Variants in ARHGEF7 observed in about 807,000 individuals in gnomAD.
ARHGEF7 encodes the protein PAK-interacting exchange factor beta.
Under a neutral mutation model 109.8 loss-of-function variants are expected in ARHGEF7, and 33 were observed. The observed-to-expected ratio is 0.30, with a 90% CI of 0.23 to 0.40. The LOEUF is 0.40. ARHGEF7 is among the 10% of genes least tolerant of loss of function. The probability of loss-of-function intolerance (pLI) is 1.00; values close to 1 mark genes in which losing one functional copy is unlikely to be tolerated. For missense variants in ARHGEF7, 938 were observed against 1,098.5 expected, an observed-to-expected ratio of 0.85 and a Z score of 2.07; for synonymous variants, 458 against 424.6, an observed-to-expected ratio of 1.08 and a Z score of -0.97.
At position 111,156,392 on chromosome 13, in the gene ARHGEF7, C is replaced by T. The variant is rs373731518; in HGVS notation, c.252+2401C>T. ...TGTGCTATTTTTAAAGAGTAAATAT[C>T]TCTTCCAGTAAATTTAAGCAAGAGG... is the stretch of plus-strand genomic sequence containing the variant. On this transcript the variant is annotated intron_variant, in intron 2 of 21. Coordinates refer to ENST00000646102, the MANE Select transcript of ARHGEF7 (RefSeq NM_001354046.2). Among the ~76,000 whole-genome samples, 253 of 152,330 alleles carry T rather than the reference C, an allele frequency of 1.7e-3. 1 individual carries two copies. The highest frequency in any genetic ancestry group is 5.9e-3 in the African/African-American group (244 of 41,576).
intron 2 of ARHGEF7, among the ~76,000 whole-genome samples, chr13:111,158,071 G>T (rs143813276): frequency 1.3e-5 from 2 of 152,146 alleles, no homozygotes; most frequent in African/African-American, 4.8e-5. Flanking sequence ...CATTAATAAC[G>T]TGGTTTCAGG....
chr13:111,267,016 C>T, intron 8 of ARHGEF7: 1 of 420,034 alleles, frequency 2.4e-6, no homozygotes. Context: ...GTCTCTTCCT[C>T]ATTCTTTTTG....
intron 3 of ARHGEF7, among the ~76,000 whole-genome samples, chr13:111,206,426 G>A (rs1287773535): frequency 6.6e-6 from 1 of 152,132 alleles, no homozygotes; most frequent in Non-Finnish European, 1.5e-5. Context: ...ATGCCCCGGC[G>A]AGAGGCACTG....
At chr13:111,218,482 TG>T (rs2153490874) in intron 5 of ARHGEF7, among the ~76,000 whole-genome samples, 2 of 151,584 alleles carry the variant, frequency 1.3e-5, no homozygotes, top group South Asian at 4.2e-4. Flanking sequence ...TGGACAGAGG[TG>T]GGGGGTGGGA....
intron 18 of ARHGEF7, among the ~76,000 whole-genome samples, chr13:111,290,866 G>A (rs2093253055): frequency 6.6e-6 from 1 of 152,202 alleles, no homozygotes; most frequent in Non-Finnish European, 1.5e-5. Flanking sequence ...GTGCTGGAAA[G>A]GTGGTATACT....
intron 6 of ARHGEF7, among the ~76,000 whole-genome samples, chr13:111,237,561 C>T (rs963415148): frequency 6.6e-6 from 1 of 152,074 alleles, no homozygotes; most frequent in African/African-American, 2.4e-5. Context: ...GAGAATTAAC[C>T]TGAAATATAT....
intron 15 of ARHGEF7, chr13:111,280,900 C>T (rs371834382): frequency 8.1e-4 from 396 of 489,920 alleles, no homozygotes; most frequent in African/African-American, 6.5e-3. Context: ...TGCCTCCTCA[C>T]GCACAGTTCA....
intron 2 of ARHGEF7, among the ~76,000 whole-genome samples, chr13:111,193,991 C>T (rs977330632): frequency 1.4e-4 from 21 of 152,308 alleles, no homozygotes; most frequent in Non-Finnish European, 2.8e-4. Context: ...CATAAACTTC[C>T]TTTGGCACCT....
chr13:111,240,601 C>A (rs1243911650), intron 6 of ARHGEF7, among the ~76,000 whole-genome samples: 1 of 152,154 alleles, frequency 6.6e-6, no homozygotes, highest in Non-Finnish European at 1.5e-5. Context: ...GTGTGGTGAA[C>A]TACTGTCTTG....
chr13:111,172,998 T>C (rs1219318512), intron 2 of ARHGEF7, among the ~76,000 whole-genome samples: 1 of 152,238 alleles, frequency 6.6e-6, no homozygotes, highest in Non-Finnish European at 1.5e-5. Flanking sequence ...TCAACCTGTG[T>C]ATAGAAATAA....
chr13:111,188,504 G>A (rs749553008), intron 2 of ARHGEF7, among the ~76,000 whole-genome samples: 2 of 152,178 alleles, frequency 1.3e-5, no homozygotes, highest in South Asian at 4.1e-4. Flanking sequence ...CCTCCTACAC[G>A]GTGCTGGATC....
intron 8 of ARHGEF7, among the ~76,000 whole-genome samples, chr13:111,257,096 T>C (rs1595248187): frequency 2.6e-5 from 4 of 152,362 alleles, no homozygotes; most frequent in Admixed American, 2.6e-4. Context: ...AGGCCTTGGC[T>C]TATGAGCCTT....
intron 16 of ARHGEF7, among the ~76,000 whole-genome samples, chr13:111,283,900 C>G (rs1423187106): frequency 6.6e-6 from 1 of 152,106 alleles, no homozygotes; most frequent in African/African-American, 2.4e-5. Flanking sequence ...TGTCTCTGTT[C>G]TCATCCGGCA....
At position 111,259,129 on chromosome 13, in the gene ARHGEF7, T is replaced by G. The variant is rs567095379; in HGVS notation, c.951-8419T>G. On this transcript the variant is annotated intron_variant, in intron 8 of 21. Coordinates refer to ENST00000646102, the MANE Select transcript of ARHGEF7 (RefSeq NM_001354046.2). ...CGGGCTCTGGCTCGCAGATGGCATC[T>G]CTAGACCTGCCCGGAGCCAAGGAGA... 2.6e-5 allele frequency among the ~76,000 whole-genome samples: 4 copies of G among 152,300 alleles called. No individual in the cohort carries two copies. In the East Asian group the frequency reaches 7.7e-4, roughly 29 times the overall value.
intron 2 of ARHGEF7, among the ~76,000 whole-genome samples, chr13:111,204,900 C>CATCT (rs2081604537): frequency 6.6e-6 from 1 of 152,216 alleles, no homozygotes; most frequent in Admixed American, 6.5e-5. Context: ...TAGGAAAGAA[C>CATCT]ATCTGTAGCA....
rs942655 is a variant in ARHGEF7, at chr13:111,241,362, C to A, written c.760-2510C>A. 2.9e-5 allele frequency: 45 copies of A among 1,535,452 alleles called. No homozygotes were observed. The Admixed American group carries it at 3.9e-4, about 13-fold the overall frequency. Reference sequence around the variant, plus strand: ...GTAAGTGGCACCCCCGGCTGCGCCCCGAGGTCAGGAAGGCCAGCAACCTCC... The same window carrying A: ...GTAAGTGGCACCCCCGGCTGCGCCCAGAGGTCAGGAAGGCCAGCAACCTCC... On this transcript the variant is annotated intron_variant, in intron 6 of 21. Coordinates refer to ENST00000646102, the MANE Select transcript of ARHGEF7 (RefSeq NM_001354046.2).
At position 111,250,841 on chromosome 13, in the gene ARHGEF7, A is replaced by G. The variant is rs185145224; in HGVS notation, c.950+6547A>G. 2.5e-3 allele frequency among the ~76,000 whole-genome samples: 384 copies of G among 152,312 alleles called. 6 individuals are homozygous for G. Among genetic ancestry groups the G allele is most frequent in the Non-Finnish European group, 7.8e-4 (53 of 68,020 alleles). ...TTTATTATGAAGGATGCAACTCAGA[A>G]TGAGATGGATAGAAGAAAGATGTAG... On this transcript the variant is annotated intron_variant, in intron 8 of 21. Transcript: ENST00000646102.
intron 5 of ARHGEF7, among the ~76,000 whole-genome samples, chr13:111,220,397 C>G (rs754940827): frequency 1.3e-5 from 2 of 152,212 alleles, no homozygotes; most frequent in African/African-American, 2.4e-5. Context: ...GAATCCTGGA[C>G]TGACTCTGAA....
rs1035801918 is a variant in ARHGEF7, at chr13:111,294,333, G to A, written c.2311+2039G>A. On this transcript the variant is annotated intron_variant, in intron 19 of 21. Coordinates refer to ENST00000646102, the MANE Select transcript of ARHGEF7 (RefSeq NM_001354046.2). Reference sequence around the variant, plus strand: ...CTGGCTAAGCTGCCTTTGCCTTCTCGTAGGCGTGGGTTGCCTGTGTCATGG... The same window carrying A: ...CTGGCTAAGCTGCCTTTGCCTTCTCATAGGCGTGGGTTGCCTGTGTCATGG... 28 of 985,450 alleles carry A rather than the reference G, an allele frequency of 2.8e-5. No homozygotes were observed. In the African/African-American group the frequency reaches 4.0e-4, roughly 14 times the overall value. The allele number at this position is 985,450 out of a possible 1,614,324, so 61.0% of individuals were successfully genotyped here. A position where few individuals can be genotyped will look rare whatever the true frequency, so the allele number is the denominator to read the frequency against.
Sources: allele counts gnomAD v4.1 joint callset (sites outside exome capture counted in the v4.1 genomes callset), GRCh38; gene constraint gnomAD v4.1.1; transcripts MANE v1.5; gene names NCBI Gene and HGNC (gene_info 2026-07-23, HGNC 2026-07-21).